Variants in GPM6B observed in about 807,000 individuals in gnomAD.
The protein encoded by GPM6B is glycoprotein M6B.
Under a neutral mutation model 27.2 loss-of-function variants are expected in GPM6B, and 4 were observed. That is an observed-to-expected ratio of 0.15 (90% confidence interval 0.07 to 0.34). GPM6B has a LOEUF of 0.34. Ranked by LOEUF, GPM6B falls within the 10% of genes least tolerant of loss-of-function variation. The pLI, the probability that GPM6B is intolerant of heterozygous loss-of-function variation, is 1.00. For synonymous variants in GPM6B, 124 were observed against 103.1 expected, an observed-to-expected ratio of 1.20 and a Z score of -1.23; for missense variants, 183 against 261.9, an observed-to-expected ratio of 0.70 and a Z score of 2.08.
intron 1 of GPM6B, among the ~76,000 whole-genome samples, chrX:13,812,293 T>C (rs2049151852): frequency 9.1e-6 from 1 of 110,302 alleles, no homozygotes; most frequent in Non-Finnish European, 1.9e-5. Flanking sequence ...GACCTCTTGA[T>C]CCGCCCGCCT....
At chrX:13,858,798 A>T (rs1158191440) in intron 1 of GPM6B, among the ~76,000 whole-genome samples, 1 of 111,674 alleles carries the variant, frequency 9.0e-6, no homozygotes, top group Non-Finnish European at 1.9e-5. Context: ...TGCGACACAT[A>T]TCCTCAATTC....
chrX:13,914,357 T>A (rs2050408418), intron 1 of GPM6B, among the ~76,000 whole-genome samples: 1 of 112,101 alleles, frequency 8.9e-6, no homozygotes, highest in African/African-American at 3.2e-5. Flanking sequence ...TTTTCCAGAG[T>A]CTTTTGAAGC....
chrX:13,781,041 G>A (rs761077674), intron 4 of GPM6B: 2 of 268,777 alleles, frequency 7.4e-6, no homozygotes, highest in South Asian at 7.1e-5. Context: ...GATTTCAGCA[G>A]TTCCACCTCC....
chrX:13,812,485 G>C (rs1440119918), intron 1 of GPM6B, among the ~76,000 whole-genome samples: 1 of 111,571 alleles, frequency 9.0e-6, no homozygotes, highest in Non-Finnish European at 1.9e-5. Flanking sequence ...CCTACTCCTG[G>C]CCAACTATCT....
chrX:13,913,979 TG>T (rs2050404585), intron 1 of GPM6B, among the ~76,000 whole-genome samples: 1 of 111,217 alleles, frequency 9.0e-6, no homozygotes, highest in African/African-American at 3.3e-5. Context: ...CCCGAACTCC[TG>T]GGCTCAAGAG....
At chrX:13,907,048 G>A (rs1053566317) in intron 1 of GPM6B, among the ~76,000 whole-genome samples, 1 of 112,364 alleles carries the variant, frequency 8.9e-6, no homozygotes, top group Non-Finnish European at 1.9e-5. Flanking sequence ...CTGTTTCTGT[G>A]TCTCCTGGTA....
In GPM6B at chrX:13,782,157, G is replaced by A. The variant is rs187241221; in HGVS notation, c.525+1208C>T. 1.1e-3 allele frequency among the ~76,000 whole-genome samples: 128 copies of A among 112,250 alleles called. 1 individual carries two copies. In the Admixed American group the frequency reaches 0.012, roughly 10 times the overall value. Reference sequence around the variant, plus strand: ...GCCAGTGGCCAGAGATGCAGACAGCGCATGAATGACTGGCAATGAAATCAA... The same window carrying A: ...GCCAGTGGCCAGAGATGCAGACAGCACATGAATGACTGGCAATGAAATCAA... On this transcript the variant is annotated intron_variant, in intron 4 of 7. Transcript: ENST00000316715.
At chrX:13,910,740 C>T (rs2050372263) in intron 1 of GPM6B, among the ~76,000 whole-genome samples, 1 of 112,518 alleles carries the variant, frequency 8.9e-6, no homozygotes, top group African/African-American at 3.2e-5. Flanking sequence ...AAAGAACAGA[C>T]CATGAGTATG....
chrX:13,914,331 C>T (rs1190764625), intron 1 of GPM6B, among the ~76,000 whole-genome samples: 3 of 112,007 alleles, frequency 2.7e-5, no homozygotes, highest in Non-Finnish European at 5.6e-5. Context: ...AGCTGGCTGC[C>T]CAGCTAAAGA....
intron 1 of GPM6B, among the ~76,000 whole-genome samples, chrX:13,824,643 G>A (rs1379793575): frequency 2.7e-5 from 3 of 111,729 alleles, no homozygotes; most frequent in Admixed American, 1.9e-4. Flanking sequence ...GGAAGAGGTG[G>A]GGACTGCATA....
At chrX:13,774,880 A>G (rs1349599661) in intron 7 of GPM6B, among the ~76,000 whole-genome samples, 1 of 112,240 alleles carries the variant, frequency 8.9e-6, no homozygotes, top group Non-Finnish European at 1.9e-5. Flanking sequence ...ATAACAAGAC[A>G]GAGAGCTGGG....
At chrX:13,932,329 C>A (rs1017387406) in intron 1 of GPM6B, among the ~76,000 whole-genome samples, 3 of 112,037 alleles carry the variant, frequency 2.7e-5, no homozygotes, top group Non-Finnish European at 5.6e-5. Flanking sequence ...CTTGAAGACT[C>A]TCAGATTTAA....
At chrX:13,821,113 A>C (rs752296127), upstream of GPM6B, among the ~76,000 whole-genome samples, 78 of 111,433 alleles carry the variant, frequency 7.0e-4, no homozygotes, top group Non-Finnish European at 8.7e-4. Context: ...GAGGACTAGC[A>C]AGCAGAAAGG....
intron 3 of GPM6B, chrX:13,784,061 T>C (rs2048566448): frequency 9.5e-6 from 2 of 209,511 alleles, no homozygotes; most frequent in Admixed American, 6.5e-5. Flanking sequence ...ACCACACAAA[T>C]AGTAGTAGGT....
chrX:13,926,230 C>G (rs1317984975), intron 1 of GPM6B, among the ~76,000 whole-genome samples: 4 of 104,930 alleles, frequency 3.8e-5, no homozygotes, highest in African/African-American at 1.4e-4. Context: ...GGTGAAACCC[C>G]GTCTCTACTA....
intron 1 of GPM6B, among the ~76,000 whole-genome samples, chrX:13,841,214 TATG>T (rs748638727): frequency 7.1e-4 from 80 of 112,116 alleles, no homozygotes; most frequent in African/African-American, 2.3e-3. Context: ...CTAAACTCAG[TATG>T]ATAAGTTGAG....
At chrX:13,930,718 T>C (rs1021668742) in intron 1 of GPM6B, among the ~76,000 whole-genome samples, 1 of 111,413 alleles carries the variant, frequency 9.0e-6, no homozygotes, top group African/African-American at 3.3e-5. Context: ...TGCCAACAAA[T>C]AACTTAGATA....
chrX:13,844,307 T>A (rs2049617987), intron 1 of GPM6B, among the ~76,000 whole-genome samples: 1 of 112,723 alleles, frequency 8.9e-6, no homozygotes, highest in African/African-American at 3.2e-5. Context: ...TTGGCTATTT[T>A]GGCATTGCCA....
intron 1 of GPM6B, among the ~76,000 whole-genome samples, chrX:13,926,054 CA>C (rs772441542): frequency 6.0e-5 from 6 of 99,179 alleles, no homozygotes; most frequent in East Asian, 3.3e-4. Flanking sequence ...GACTCCATCT[CA>C]AAAAAAAAAA....
Sources: allele counts gnomAD v4.1 joint callset (sites outside exome capture counted in the v4.1 genomes callset), GRCh38; gene constraint gnomAD v4.1.1; transcripts MANE v1.5; gene names NCBI Gene and HGNC (gene_info 2026-07-23, HGNC 2026-07-21).